CAV3: variants seen among roughly 807,000 people sequenced by gnomAD.
The protein encoded by CAV3 is caveolin-3.
In CAV3, 10 loss-of-function variants were observed where a neutral mutation model predicts 13.4. The observed-to-expected ratio is 0.75, with a 90% CI of 0.46 to 1.27. The LOEUF (loss-of-function observed/expected upper bound fraction) is 1.27. Among genes scored for constraint, CAV3 ranks in the 50% most tolerant of loss-of-function variants. CAV3 has a pLI of 0.00. For missense variants in CAV3, 162 were observed against 194.0 expected, an observed-to-expected ratio of 0.83 and a Z score of 0.98; for synonymous variants, 90 against 79.0, an observed-to-expected ratio of 1.14 and a Z score of -0.74.
At chr3:8,737,528 G>A (rs929626553) in intron 1 of CAV3, among the ~76,000 whole-genome samples, 1 of 152,186 alleles carries the variant, frequency 6.6e-6, no homozygotes, top group Non-Finnish European at 1.5e-5. Flanking sequence ...GAAGAGCCCT[G>A]TATACTCCAA....
intron 1 of CAV3, among the ~76,000 whole-genome samples, chr3:8,743,956 C>T (rs1708059604): frequency 6.6e-6 from 1 of 151,954 alleles, no homozygotes; most frequent in South Asian, 2.1e-4. Context: ...ATTGGTGATG[C>T]AATAGAGGAG....
At chr3:8,734,194 A>C (rs1252866028) in intron 1 of CAV3, among the ~76,000 whole-genome samples, 1 of 150,612 alleles carries the variant, frequency 6.6e-6, no homozygotes, top group Non-Finnish European at 1.5e-5. Context: ...CAAAATCAAG[A>C]GCAAAAAATT....
intron 1 of CAV3, among the ~76,000 whole-genome samples, chr3:8,743,747 G>A (rs1298669128): frequency 1.3e-5 from 2 of 152,160 alleles, no homozygotes; most frequent in Non-Finnish European, 2.9e-5. Context: ...AGTCACATGA[G>A]AAAAGAGGGC....
intron 1 of CAV3, among the ~76,000 whole-genome samples, chr3:8,741,591 A>G (rs962257878): frequency 2.0e-5 from 3 of 152,178 alleles, no homozygotes; most frequent in Non-Finnish European, 4.4e-5. Flanking sequence ...GAGGGAAAGT[A>G]CCATGCCCCA....
rs115593543 is a variant in CAV3, at chr3:8,745,546, C to T, written c.135C>T (p.Ile45=). Residue 45 remains isoleucine, a synonymous_variant, in exon 2 of 2, where the codon ATC becomes ATT. Coordinates refer to ENST00000343849, the MANE Select transcript of CAV3 (RefSeq NM_033337.3). This position sits in a 1 kb window ranked among gnomAD's most constrained non-coding sequence, Gnocchi z 4.8. Reference sequence around the variant, plus strand: ...TGCAGGTGGATTTTGAAGACGTGATCGCAGAGCCTGTGGGCACCTACAGCT... The same window carrying T: ...TGCAGGTGGATTTTGAAGACGTGATTGCAGAGCCTGTGGGCACCTACAGCT... ...DIVKVDFEDV[I]AEPVGTYSFD... is the part of the protein sequence containing the mutation. 18 of 1,614,064 alleles carry T rather than the reference C, an allele frequency of 1.1e-5. No homozygotes were observed. The highest frequency in any genetic ancestry group is 4.0e-5 in the African/African-American group (3 of 75,034).
At chr3:8,736,983 A>G (rs997544874) in intron 1 of CAV3, among the ~76,000 whole-genome samples, 2 of 152,242 alleles carry the variant, frequency 1.3e-5, no homozygotes, top group African/African-American at 4.8e-5. Context: ...ACAGTCTGTT[A>G]AAGAATAAAG....
Position 8,745,592 on chromosome 3 carries a change from A to G in CAV3, c.181A>G (p.Ser61Gly). The G allele has an allele frequency of 6.2e-7, 1 of 1,614,032 alleles. No homozygotes were observed. The highest frequency in any genetic ancestry group is 8.5e-7 in the Non-Finnish European group (1 of 1,179,946). ...TYSFDGVWKV[S>G]YTTFTVSKYW... Reference sequence around the variant, plus strand: ...CAGCTTTGACGGCGTGTGGAAGGTGAGCTACACCACCTTCACTGTCTCCAA... The same window carrying G: ...CAGCTTTGACGGCGTGTGGAAGGTGGGCTACACCACCTTCACTGTCTCCAA... Residue 61 changes from serine to glycine, a missense_variant, in exon 2 of 2, where the codon AGC becomes GGC. Physicochemically the swap from Ser to Gly is moderately conservative, Grantham distance 56. Transcript: ENST00000343849. The surrounding 1 kb of genome is among the most constrained non-coding windows in gnomAD (Gnocchi z 4.8).
chr3:8,742,572 C>T (rs553940907), intron 1 of CAV3: 2 of 451,786 alleles, frequency 4.4e-6, no homozygotes, highest in South Asian at 3.2e-5. Flanking sequence ...AAGAATTTCT[C>T]AGATGTATTT....
intron 1 of CAV3, among the ~76,000 whole-genome samples, chr3:8,739,771 T>A (rs2124982313): frequency 6.6e-6 from 1 of 152,318 alleles, no homozygotes; most frequent in East Asian, 1.9e-4. Flanking sequence ...GAGTAACAAA[T>A]CATTCCAAAA....
intron 1 of CAV3, among the ~76,000 whole-genome samples, chr3:8,739,920 C>T (rs1321090449): frequency 1.3e-5 from 2 of 152,034 alleles, no homozygotes; most frequent in African/African-American, 2.4e-5. Context: ...GCTGCAATCA[C>T]CTGGGGGCTC....
At chr3:8,738,723 T>A (rs986908567) in intron 1 of CAV3, among the ~76,000 whole-genome samples, 1 of 152,202 alleles carries the variant, frequency 6.6e-6, no homozygotes, top group Non-Finnish European at 1.5e-5. Context: ...TTCCCAACAC[T>A]GGGAAGAATG....
intron 1 of CAV3, among the ~76,000 whole-genome samples, chr3:8,740,480 C>T (rs772141572): frequency 6.6e-5 from 10 of 152,136 alleles, no homozygotes; most frequent in Admixed American, 1.3e-4. Context: ...AGCAGAAGAG[C>T]GGATGGGAAG....
intron 1 of CAV3, chr3:8,742,372 A>AAAAAAG (rs1553614070): frequency 1.1e-4 from 37 of 345,850 alleles, no homozygotes; most frequent in Middle Eastern, 7.8e-4. Flanking sequence ...AAAAAAAAAA[A>AAAAAAG]AAGAAGAAGA....
At chr3:8,735,859 A>C (rs996550254) in intron 1 of CAV3, among the ~76,000 whole-genome samples, 2 of 152,190 alleles carry the variant, frequency 1.3e-5, no homozygotes, top group Non-Finnish European at 2.9e-5. Flanking sequence ...CCTCCTCCAG[A>C]AAGCCTTCCC....
rs149671673 is a variant in CAV3 at position 8,737,064 on chromosome 3, C to T, written c.114+3074C>T. Among the ~76,000 whole-genome samples the T allele has an allele frequency of 2.3e-3, 351 of 152,170 alleles. 3 individuals are homozygous for T. Among genetic ancestry groups the T allele is most frequent in the African/African-American group, 8.2e-3 (341 of 41,506 alleles). Reference sequence around the variant, plus strand: ...CAGACTGTTCAGCCTCTCAACTGCCCGGGTTTTGCCATCGATGGAGGAAAA... The same window carrying T: ...CAGACTGTTCAGCCTCTCAACTGCCTGGGTTTTGCCATCGATGGAGGAAAA... On this transcript the variant is annotated intron_variant, in intron 1 of 1. Transcript: ENST00000343849.
Position 8,745,882 on chromosome 3 carries a change from A to G in CAV3, c.*15A>G. On this transcript the variant is annotated 3_prime_UTR_variant, in exon 2 of 2. Coordinates refer to ENST00000343849, the MANE Select transcript of CAV3 (RefSeq NM_033337.3). The surrounding 1 kb of genome is among the most constrained non-coding windows in gnomAD (Gnocchi z 4.8). ...AGGAGGTCTAAAGCCAGGTGGGGCAACAGCGGTGGCAGGGCAGGGGGTGGT... is the reference window on the plus strand; with the variant it reads ...AGGAGGTCTAAAGCCAGGTGGGGCAGCAGCGGTGGCAGGGCAGGGGGTGGT... 1 of 1,603,606 alleles carries G rather than the reference A, an allele frequency of 6.2e-7. No homozygotes were observed. The highest frequency in any genetic ancestry group is 8.5e-7 in the Non-Finnish European group (1 of 1,174,604).
intron 1 of CAV3, among the ~76,000 whole-genome samples, chr3:8,743,780 G>A (rs1162778840): frequency 6.6e-6 from 1 of 152,114 alleles, no homozygotes; most frequent in Non-Finnish European, 1.5e-5. Context: ...GAGCAACATG[G>A]TTCTAGTCAC....
intron 1 of CAV3, among the ~76,000 whole-genome samples, chr3:8,736,725 C>G (rs1309280137): frequency 6.6e-6 from 1 of 152,208 alleles, no homozygotes. Flanking sequence ...GAGAGCTGTC[C>G]TCTCCTGGAG....
intron 1 of CAV3, among the ~76,000 whole-genome samples, chr3:8,741,546 A>G (rs1336458395): frequency 2.6e-5 from 4 of 152,182 alleles, no homozygotes; most frequent in Non-Finnish European, 5.9e-5. Flanking sequence ...AGTTGAAAAA[A>G]GAAAACAAAC....
Sources: allele counts gnomAD v4.1 joint callset (sites outside exome capture counted in the v4.1 genomes callset), GRCh38; gene constraint gnomAD v4.1.1; non-coding constraint Gnocchi (gnomAD v3.1); transcripts MANE v1.5; gene names NCBI Gene and HGNC (gene_info 2026-07-23, HGNC 2026-07-21).